Variants in PLEKHG1 observed in about 807,000 individuals in gnomAD.
PLEKHG1 encodes pleckstrin homology and RhoGEF domain containing G1, also known as pleckstrin homology domain-containing family G member 1.
A neutral mutation model predicts 100.8 loss-of-function variants in PLEKHG1; 44 were observed. That is an observed-to-expected ratio of 0.44 (90% CI 0.34 to 0.56). The LOEUF is 0.56. PLEKHG1 is among the 20% of genes least tolerant of loss of function. PLEKHG1 has a pLI of 0.01. For missense variants in PLEKHG1, 1,545 were observed against 1,720.9 expected (o/e 0.90, Z 1.81); for synonymous variants, 640 against 662.5 (o/e 0.97, Z 0.52).
chr6:150,658,812 C>T (rs543871972), intron 3 of PLEKHG1, among the ~76,000 whole-genome samples: 31 of 152,302 alleles, frequency 2.0e-4, no homozygotes, highest in Non-Finnish European at 4.0e-4. Flanking sequence ...TTTACCTTAC[C>T]AGCTGTCTCA....
At position 150,834,680 on chromosome 6, in the gene PLEKHG1, C is replaced by A. The variant is rs146832308; in HGVS notation, c.3094+2475C>A. On this transcript the variant is annotated intron_variant, in intron 15 of 15. Transcript: ENST00000358517. ...TTGGTTGGCTCTCCTTTTTGTTTTG[C>A]CTGCTGGTGTTGTCTTGGGATGCCC... 4.1e-4 allele frequency among the ~76,000 whole-genome samples: 63 copies of A among 152,154 alleles called. No homozygotes were observed. In the East Asian group the frequency reaches 0.011, roughly 27 times the overall value.
chr6:150,647,940 A>G (rs1778569655), intron 2 of PLEKHG1, among the ~76,000 whole-genome samples: 1 of 152,106 alleles, frequency 6.6e-6, no homozygotes, highest in Non-Finnish European at 1.5e-5. Context: ...TCATTGGTTT[A>G]CCTCATATTG....
upstream of PLEKHG1, among the ~76,000 whole-genome samples, chr6:150,719,118 A>G (rs957392866): frequency 3.3e-5 from 5 of 152,176 alleles, no homozygotes; most frequent in African/African-American, 1.2e-4. Flanking sequence ...ATAGGACCCA[A>G]TATGGCCCCC....
intron 3 of PLEKHG1, among the ~76,000 whole-genome samples, chr6:150,672,208 A>G (rs376773247): frequency 9.3e-4 from 142 of 152,282 alleles, no homozygotes; most frequent in African/African-American, 3.2e-3. Context: ...CTTAATCCCA[A>G]TATTTCCCCC....
At chr6:150,711,519 G>A (rs556197444) in intron 3 of PLEKHG1, among the ~76,000 whole-genome samples, 1 of 152,334 alleles carries the variant, frequency 6.6e-6, no homozygotes, top group East Asian at 1.9e-4. Context: ...GGGATGGGAT[G>A]TCTGGTAACT....
At chr6:150,765,944 C>T (rs895825255) in intron 2 of PLEKHG1, among the ~76,000 whole-genome samples, 3 of 152,180 alleles carry the variant, frequency 2.0e-5, no homozygotes, top group East Asian at 1.9e-4. Context: ...ACTTCCCATA[C>T]TTTGAATAGG....
At position 150,734,121 on chromosome 6, in the gene PLEKHG1, C is replaced by T. The variant is rs773020647; in HGVS notation, c.411+29C>T. On this transcript the variant is annotated intron_variant, in intron 2 of 15. Coordinates refer to ENST00000358517, the Ensembl canonical transcript of PLEKHG1. Reference sequence around the variant, plus strand: ...AGACCGACTTCGCTTTTAATGTTTGCCATGCAGGAGAAATATGCTTGCAAA... The same window carrying T: ...AGACCGACTTCGCTTTTAATGTTTGTCATGCAGGAGAAATATGCTTGCAAA... The T allele has an allele frequency of 2.0e-5, 32 of 1,578,078 alleles. No homozygotes were observed. In the East Asian group the frequency reaches 6.8e-4, roughly 33 times the overall value.
rs950361402 is a variant in PLEKHG1, at chr6:150,774,643, C to T, written c.512+5905C>T. ...TGCAGCCTCCATCTCCCGGGTTAAG[C>T]GATTCTCCTGCCTCAGCCTCCCAAG... On this transcript the variant is annotated intron_variant, in intron 3 of 15. Coordinates refer to ENST00000358517, the Ensembl canonical transcript of PLEKHG1. Among the ~76,000 whole-genome samples, 37 of 145,268 alleles carry T rather than the reference C, an allele frequency of 2.5e-4. 1 individual carries two copies. Among genetic ancestry groups the T allele is most frequent in the Admixed American group, 8.6e-4 (12 of 13,888 alleles).
chr6:150,711,463 A>G (rs1424219417), intron 3 of PLEKHG1, among the ~76,000 whole-genome samples: 1 of 152,202 alleles, frequency 6.6e-6, no homozygotes, highest in East Asian at 1.9e-4. Context: ...GTATTTTCCT[A>G]AAGGGGTCTT....
At chr6:150,759,058 T>C (rs184368179) in intron 2 of PLEKHG1, among the ~76,000 whole-genome samples, 9 of 152,220 alleles carry the variant, frequency 5.9e-5, no homozygotes, top group Admixed American at 5.2e-4. Flanking sequence ...GGACGAGGTA[T>C]ATAGAGACTT....
intron 1 of PLEKHG1, among the ~76,000 whole-genome samples, chr6:150,624,384 A>G (rs1252668490): frequency 6.6e-6 from 1 of 152,018 alleles, no homozygotes; most frequent in Non-Finnish European, 1.5e-5. Context: ...CACATCCTCA[A>G]CACTCGAGCC....
At chr6:150,684,020 C>T (rs1780026699) in intron 3 of PLEKHG1, 1 of 344,944 alleles carries the variant, frequency 2.9e-6, no homozygotes, top group African/African-American at 2.1e-5. Flanking sequence ...TGTCCCTGGC[C>T]TCTGGGACTG....
chr6:150,827,935 C>G, intron 14 of PLEKHG1: 1 of 1,560,692 alleles, frequency 6.4e-7, no homozygotes, highest in South Asian at 1.1e-5. Flanking sequence ...AAGAATAAAT[C>G]TGGAAAAGTT....
At chr6:150,765,452 C>G (rs1784408919) in intron 2 of PLEKHG1, among the ~76,000 whole-genome samples, 1 of 149,552 alleles carries the variant, frequency 6.7e-6, no homozygotes, top group Non-Finnish European at 1.5e-5. Flanking sequence ...CGAGATTGTG[C>G]CACTGCACTC....
rs1364162203 is a variant in PLEKHG1 at position 150,778,194 on chromosome 6, C to G, written c.513-8196C>G. ...CCAGGCTGGAGTACAGTAATGCAATCTAGGCTCAGTGTATCCTCCGCCTCC... is the reference window on the plus strand; with the variant it reads ...CCAGGCTGGAGTACAGTAATGCAATGTAGGCTCAGTGTATCCTCCGCCTCC... On this transcript the variant is annotated intron_variant, in intron 3 of 15. Transcript: ENST00000358517. Among the ~76,000 whole-genome samples, 3 of 152,210 alleles carry G rather than the reference C, an allele frequency of 2.0e-5. No individual in the cohort carries two copies. The East Asian group carries it at 5.8e-4, about 29-fold the overall frequency.
chr6:150,742,085 A>G (rs1313971829), intron 2 of PLEKHG1, among the ~76,000 whole-genome samples: 1 of 152,240 alleles, frequency 6.6e-6, no homozygotes, highest in African/African-American at 2.4e-5. Context: ...CAGTAACTAT[A>G]TTAGGCCATT....
intron 2 of PLEKHG1, among the ~76,000 whole-genome samples, chr6:150,762,931 T>C (rs1000839692): frequency 4.6e-5 from 7 of 152,156 alleles, no homozygotes; most frequent in Admixed American, 4.6e-4. Context: ...ACTTTGTAAA[T>C]AATTCTTGTA....
At chr6:150,742,549 A>C (rs548014321) in intron 2 of PLEKHG1, among the ~76,000 whole-genome samples, 70 of 137,638 alleles carry the variant, frequency 5.1e-4, no homozygotes, top group Non-Finnish European at 9.6e-4. Context: ...TAGGCAATAG[A>C]GTGAGACTCC....
chr6:150,653,481 G>A (rs1582889848), intron 3 of PLEKHG1, among the ~76,000 whole-genome samples: 2 of 151,966 alleles, frequency 1.3e-5, no homozygotes, highest in South Asian at 2.1e-4. Context: ...AGTGGCTCAC[G>A]ACTGTAATCC....
Sources: gnomAD v4.1 joint callset for allele counts (sites outside exome capture counted in the v4.1 genomes callset) on GRCh38, gnomAD v4.1.1 for gene constraint, MANE v1.5 for transcripts, NCBI Gene and HGNC (gene_info 2026-07-23, HGNC 2026-07-21) for gene names.